HFM1: variants seen among roughly 807,000 people sequenced by gnomAD.
The protein encoded by HFM1 is helicase for meiosis 1.
HFM1 carries 169 observed loss-of-function variants against 192.1 expected under a neutral mutation model. That is an observed-to-expected ratio of 0.88 (90% CI 0.78 to 1.00). The LOEUF (loss-of-function observed/expected upper bound fraction) is 1.00. Ranked by LOEUF, HFM1 falls within the 50% of genes least tolerant of loss-of-function variation. The pLI, the probability that HFM1 is intolerant of heterozygous loss-of-function variation, is 0.00. For missense variants in HFM1, 1,661 were observed against 1,668.0 expected (o/e 1.00, Z 0.07); for synonymous variants, 525 against 537.8 (o/e 0.98, Z 0.33).
intron 19 of HFM1, among the ~76,000 whole-genome samples, chr1:91,346,756 T>A (rs12145910): frequency 2.0e-5 from 3 of 152,162 alleles, no homozygotes; most frequent in African/African-American, 7.2e-5. Context: ...TAGGAATACA[T>A]CTTTGGCACA....
At chr1:91,362,868 G>C (rs778443996) in intron 13 of HFM1, among the ~76,000 whole-genome samples, 2 of 152,088 alleles carry the variant, frequency 1.3e-5, no homozygotes, top group South Asian at 2.1e-4. Flanking sequence ...CCAGAAATAA[G>C]ACGACACACC....
At chr1:91,330,444 T>C (rs1034158582) in intron 20 of HFM1, among the ~76,000 whole-genome samples, 4 of 151,946 alleles carry the variant, frequency 2.6e-5, no homozygotes, top group Non-Finnish European at 2.9e-5. Flanking sequence ...CCTACTAAGA[T>C]TGAACCATGA....
intron 20 of HFM1, chr1:91,328,371 C>G: frequency 6.4e-7 from 1 of 1,565,072 alleles, no homozygotes; most frequent in Non-Finnish European, 8.7e-7. Flanking sequence ...CATCCCTCCT[C>G]TGTGTTGCCA....
chr1:91,384,536 A>T (rs1468280113), intron 6 of HFM1, among the ~76,000 whole-genome samples: 1 of 151,930 alleles, frequency 6.6e-6, no homozygotes, highest in Non-Finnish European at 1.5e-5. Context: ...ATTCTCATCC[A>T]TTTCCCCTAC....
intron 30 of HFM1, among the ~76,000 whole-genome samples, chr1:91,304,161 C>G (rs1649274145): frequency 6.6e-6 from 1 of 152,036 alleles, no homozygotes; most frequent in Non-Finnish European, 1.5e-5. Context: ...GGCCCCTTGA[C>G]TAGTTTTAAT....
At chr1:91,280,036 T>C (rs1667320581) in intron 30 of HFM1, among the ~76,000 whole-genome samples, 1 of 152,128 alleles carries the variant, frequency 6.6e-6, no homozygotes, top group South Asian at 2.1e-4. Flanking sequence ...AATTGACAAT[T>C]AAGTGATAAA....
intron 34 of HFM1, among the ~76,000 whole-genome samples, chr1:91,270,575 A>G (rs76455926): frequency 9.9e-6 from 1 of 100,722 alleles, no homozygotes; most frequent in Non-Finnish European, 2.3e-5. Flanking sequence ...TGAGAAGAAT[A>G]AAAAAAAAAA....
intron 13 of HFM1, among the ~76,000 whole-genome samples, chr1:91,356,056 A>C (rs1048584753): frequency 6.6e-6 from 1 of 152,210 alleles, no homozygotes; most frequent in African/African-American, 2.4e-5. Flanking sequence ...AACAATATGA[A>C]ACTAGAAATC....
intron 13 of HFM1, among the ~76,000 whole-genome samples, chr1:91,359,955 G>A (rs1658277249): frequency 6.6e-6 from 1 of 152,154 alleles, no homozygotes; most frequent in African/African-American, 2.4e-5. Context: ...AAGAGACTGG[G>A]AGCCAATATT....
intron 20 of HFM1, chr1:91,328,803 G>A: frequency 6.2e-7 from 1 of 1,611,046 alleles, no homozygotes; most frequent in Non-Finnish European, 8.5e-7. Flanking sequence ...AACGATAAGT[G>A]CAAACATCTG....
intron 30 of HFM1, among the ~76,000 whole-genome samples, chr1:91,309,650 G>A (rs281983): frequency 1 from 152,125 of 152,308 alleles, 75,971 homozygotes; most frequent in Non-Finnish European, 1. Flanking sequence ...TATTGTGTGT[G>A]TAATGTATAT....
chr1:91,264,385 T>TTTTTTTTTTTTTTTTTTA (rs1665509072), intron 36 of HFM1, among the ~76,000 whole-genome samples: 1 of 115,774 alleles, frequency 8.6e-6, no homozygotes, highest in African/African-American at 3.5e-5. Flanking sequence ...TTTTTTTTTT[T>TTTTTTTTTTTTTTTTTTA]TTTTTGAGAC....
chr1:91,265,130 C>T (rs1665630689), intron 36 of HFM1, among the ~76,000 whole-genome samples: 1 of 152,318 alleles, frequency 6.6e-6, no homozygotes, highest in African/African-American at 2.4e-5. Context: ...ACTCTGCATA[C>T]TGCTGCTAGG....
chr1:91,318,565 T>C (rs977419060), intron 25 of HFM1, among the ~76,000 whole-genome samples: 1 of 152,088 alleles, frequency 6.6e-6, no homozygotes, highest in South Asian at 2.1e-4. Context: ...AAGGTCCCTA[T>C]AGACAAAATA....
chr1:91,347,490 A>G lies in HFM1; in HGVS notation c.2207-14T>C. The G allele has an allele frequency of 6.4e-7, 1 of 1,573,074 alleles. No homozygotes were observed. Among genetic ancestry groups the G allele is most frequent in the Non-Finnish European group, 8.7e-7 (1 of 1,155,052 alleles). On this transcript the variant is annotated splice_polypyrimidine_tract_variant and intron_variant, in intron 18 of 38. Transcript: ENST00000370425. ...CAGATGCAAAACCTGCATGTCATGA[A>G]AAAGTAAAATAGAATTTAGCTCATC...
At chr1:91,333,590 TGTACATTTTAAAAATAACTTAAACA>T (rs1390560557) in intron 20 of HFM1, among the ~76,000 whole-genome samples, 1 of 152,114 alleles carries the variant, frequency 6.6e-6, no homozygotes, top group African/African-American at 2.4e-5. Context: ...ATAATTTGAC[TGTACATTTTAAAAATAACTTAAACA>T]GTATAATTGG....
chr1:91,352,664 A>C lies in HFM1; in HGVS notation c.1832-13T>G. The C allele has an allele frequency of 2.6e-6, 4 of 1,563,474 alleles. No homozygotes were observed. The highest frequency in any genetic ancestry group is 3.5e-6 in the Non-Finnish European group (4 of 1,159,054). The stretch of plus-strand genomic sequence containing the variant: ...GTACTGGTAGTAACTGCATCAGATT[A>C]AGACATAGTAATTTTGAGCCATTTA... On this transcript the variant is annotated splice_polypyrimidine_tract_variant and intron_variant, in intron 15 of 38. Transcript: ENST00000370425.
At chr1:91,287,759 CTT>C (rs1236251377) in intron 30 of HFM1, among the ~76,000 whole-genome samples, 1 of 151,210 alleles carries the variant, frequency 6.6e-6, no homozygotes, top group Non-Finnish European at 1.5e-5. Flanking sequence ...AAGTTGAAAA[CTT>C]TGAAAAAAAT....
chr1:91,328,361 C>A, intron 20 of HFM1: 3 of 1,551,596 alleles, frequency 1.9e-6, no homozygotes, highest in Non-Finnish European at 2.6e-6. Context: ...AAAGGCCAGT[C>A]ATCCCTCCTC....
Sources: allele counts gnomAD v4.1 joint callset (sites outside exome capture counted in the v4.1 genomes callset), GRCh38; gene constraint gnomAD v4.1.1; transcripts MANE v1.5; gene names NCBI Gene and HGNC (gene_info 2026-07-23, HGNC 2026-07-21).